Variants in SLC30A9 observed in about 807,000 individuals in gnomAD.
The protein encoded by SLC30A9 is solute carrier family 30 member 9, also known as proton-coupled zinc antiporter SLC30A9, mitochondrial.
SLC30A9 carries 58 observed loss-of-function variants against 87.5 expected under a neutral mutation model. The ratio of observed to expected loss-of-function variants is 0.66; its 90% CI spans 0.54 to 0.82. The LOEUF (loss-of-function observed/expected upper bound fraction) is 0.82. Among genes scored for constraint, SLC30A9 ranks in the 40% least tolerant of loss-of-function variants. SLC30A9 has a pLI of 0.00. For synonymous variants in SLC30A9, 234 were observed against 233.0 expected, an observed-to-expected ratio of 1.00 and a Z score of -0.04; for missense variants, 557 against 679.1, an observed-to-expected ratio of 0.82 and a Z score of 2.00.
At chr4:41,991,951 A>G (rs968344218) in intron 1 of SLC30A9, among the ~76,000 whole-genome samples, 2 of 152,002 alleles carry the variant, frequency 1.3e-5, no homozygotes, top group African/African-American at 4.8e-5. Flanking sequence ...TAACAGCACT[A>G]TTCCCAGGGC....
chr4:42,033,400 A>G (rs1418549119), intron 6 of SLC30A9, among the ~76,000 whole-genome samples: 4 of 151,836 alleles, frequency 2.6e-5, no homozygotes, highest in Non-Finnish European at 5.9e-5. Flanking sequence ...GGACTTTGGG[A>G]GGCTGAGGTG....
intron 3 of SLC30A9, among the ~76,000 whole-genome samples, chr4:42,019,607 A>T (rs1399407197): frequency 6.6e-6 from 1 of 152,170 alleles, no homozygotes; most frequent in Non-Finnish European, 1.5e-5. Context: ...ACTGTAACCC[A>T]CATAAGAAAT....
chr4:41,994,827 CAAAAA>C (rs539190933), intron 1 of SLC30A9, among the ~76,000 whole-genome samples: 1 of 94,770 alleles, frequency 1.1e-5, no homozygotes. Flanking sequence ...GATGTGGTCT[CAAAAA>C]AAAAAAAAAA....
intron 6 of SLC30A9, among the ~76,000 whole-genome samples, chr4:42,027,366 T>C (rs1420205637): frequency 6.6e-6 from 1 of 152,126 alleles, no homozygotes; most frequent in Non-Finnish European, 1.5e-5. Flanking sequence ...AGAGACTGCG[T>C]GTGGTGCTCC....
Position 42,084,693 on chromosome 4 carries a change from G to A in SLC30A9, c.1663-1389G>A, listed in dbSNP as rs950341744. 3.3e-5 allele frequency among the ~76,000 whole-genome samples: 5 copies of A among 152,112 alleles called. No homozygotes were observed. The East Asian group carries it at 9.7e-4, about 29-fold the overall frequency. On this transcript the variant is annotated intron_variant, in intron 17 of 17. Coordinates refer to ENST00000264451, the MANE Select transcript of SLC30A9 (RefSeq NM_006345.4). The stretch of plus-strand genomic sequence containing the variant: ...TCATCATGTTGGCCAGGATGGTCTT[G>A]ATCTCTTGACCTTGTGATCCGCCCG...
chr4:42,020,630 C>A, intron 4 of SLC30A9, 115 bp downstream of exon 4: 1 of 522,704 alleles, frequency 1.9e-6, no homozygotes, highest in Non-Finnish European at 3.3e-6. Context: ...GCTACTGGCT[C>A]CTTAAAATGA....
chr4:42,065,281 T>A (rs757567122), intron 11 of SLC30A9, 29 bp from the exon 12 acceptor site: 2 of 1,097,056 alleles, frequency 1.8e-6, no homozygotes, highest in Non-Finnish European at 2.8e-6. Flanking sequence ...GTACTTAATT[T>A]ATGCTTTATT....
rs1162882458 is a variant in SLC30A9 at position 42,003,739 on chromosome 4, G to A, written c.274+1959G>A. Among the ~76,000 whole-genome samples, 4 of 146,500 alleles carry A rather than the reference G, an allele frequency of 2.7e-5. No homozygotes were observed. In the Admixed American group the frequency reaches 2.9e-4, roughly 10 times the overall value. On this transcript the variant is annotated intron_variant, in intron 2 of 17. Transcript: ENST00000264451. ...CCATTTTATCATGTTTCCTTGTCCTGTTTTCTTAAATTCCTTTTTTGCCTT... is the reference window on the plus strand; with the variant it reads ...CCATTTTATCATGTTTCCTTGTCCTATTTTCTTAAATTCCTTTTTTGCCTT...
intron 3 of SLC30A9, among the ~76,000 whole-genome samples, chr4:42,019,359 C>A (rs1016113279): frequency 6.6e-6 from 1 of 152,158 alleles, no homozygotes; most frequent in Non-Finnish European, 1.5e-5. Context: ...GACCAATGTT[C>A]TGTAATTTTT....
chr4:42,089,897 A>C lies in SLC30A9; in HGVS notation c.*3771A>C, dbSNP rs1213936872. On this transcript the variant is annotated 3_prime_UTR_variant, in exon 18 of 18. Coordinates refer to ENST00000264451, the MANE Select transcript of SLC30A9 (RefSeq NM_006345.4). ...CACACACACACATAGTGCAAAGTGA[A>C]TAACAAAATGTCATAAGGCTTGAGT... 1 of 152,244 alleles carries C rather than the reference A, an allele frequency of 6.6e-6. No homozygotes were observed. The highest frequency in any genetic ancestry group is 1.5e-5 in the Non-Finnish European group (1 of 68,042). The allele number at this position is 152,244 out of a possible 1,614,324, so 9.4% of individuals were successfully genotyped here.
chr4:42,015,425 A>G (rs777180026), intron 2 of SLC30A9, among the ~76,000 whole-genome samples: 1 of 152,206 alleles, frequency 6.6e-6, no homozygotes, highest in Non-Finnish European at 1.5e-5. Context: ...ACTGAAAACA[A>G]TAAGATGGCA....
chr4:42,023,301 G>T lies in SLC30A9; in HGVS notation c.528-1G>T, dbSNP rs746775758. On this transcript the variant is annotated splice_acceptor_variant, in intron 5 of 17. Coordinates refer to ENST00000264451, the MANE Select transcript of SLC30A9 (RefSeq NM_006345.4). LOFTEE classifies it high-confidence loss of function. ...TGTGGTGACCATGTGTGTATGCACA[G>T]ATCTTTGGAAGTTTGGGGAAGCCCT... 1.2e-6 allele frequency: 2 copies of T among 1,610,924 alleles called. No homozygotes were observed.
At chr4:42,054,522 G>A (rs1290124551) in intron 9 of SLC30A9, among the ~76,000 whole-genome samples, 3 of 145,598 alleles carry the variant, frequency 2.1e-5, no homozygotes, top group East Asian at 2.1e-4. Context: ...ACAGAGTCTC[G>A]CTCTGTCACC....
chr4:42,064,280 T>G (rs1717992393), intron 11 of SLC30A9, among the ~76,000 whole-genome samples: 1 of 152,164 alleles, frequency 6.6e-6, no homozygotes, highest in Non-Finnish European at 1.5e-5. Context: ...TGGGCTACCT[T>G]CTGTGCAAGG....
intron 1 of SLC30A9, among the ~76,000 whole-genome samples, chr4:41,992,409 A>G (rs148925524): frequency 5.9e-5 from 9 of 152,274 alleles, no homozygotes; most frequent in African/African-American, 1.7e-4. Flanking sequence ...ATCCCCAAGT[A>G]AGTTTCTAAC....
chr4:42,041,675 A>G (rs1053651565), intron 8 of SLC30A9, among the ~76,000 whole-genome samples: 1 of 152,196 alleles, frequency 6.6e-6, no homozygotes. Flanking sequence ...GTTTAAGGCT[A>G]CAGTAAGCTG....
At chr4:42,029,847 C>T in intron 6 of SLC30A9, 1 of 720,762 alleles carries the variant, frequency 1.4e-6, no homozygotes, top group East Asian at 2.7e-5. Context: ...GTTTCCTGTT[C>T]AGTGCACTGG....
At chr4:42,069,699 G>A (rs568672592) in intron 14 of SLC30A9, among the ~76,000 whole-genome samples, 8 of 152,106 alleles carry the variant, frequency 5.3e-5, no homozygotes, top group Non-Finnish European at 7.4e-5. Flanking sequence ...GATTTAAAAC[G>A]TATTTATTGG....
chr4:42,039,882 A>T (rs1716848529), intron 8 of SLC30A9, among the ~76,000 whole-genome samples: 1 of 140,180 alleles, frequency 7.1e-6, no homozygotes, highest in South Asian at 2.5e-4. Flanking sequence ...TAGTTCTTTT[A>T]TTCTTAAATA....
Sources: gnomAD v4.1 joint callset for allele counts (sites outside exome capture counted in the v4.1 genomes callset) on GRCh38, gnomAD v4.1.1 for gene constraint, MANE v1.5 for transcripts, NCBI Gene and HGNC (gene_info 2026-07-23, HGNC 2026-07-21) for gene names.